The following TESC variants were observed in gnomAD, a reference collection of about 807,000 sequenced individuals.
TESC encodes calcineurin B homologous protein 3.
TESC carries 19 observed loss-of-function variants against 31.0 expected under a neutral mutation model. That is an observed-to-expected ratio of 0.61 (90% CI 0.43 to 0.90). The LOEUF (loss-of-function observed/expected upper bound fraction) is 0.90. Among genes scored for constraint, TESC ranks in the 40% least tolerant of loss-of-function variants. The pLI, the probability that TESC is intolerant of heterozygous loss-of-function variation, is 0.00. For missense variants in TESC, 248 were observed against 303.8 expected (o/e 0.82, Z 1.36); for synonymous variants, 109 against 114.8 (o/e 0.95, Z 0.32).
intron 1 of TESC, among the ~76,000 whole-genome samples, chr12:117,078,598 A>C (rs1955104212): frequency 6.6e-6 from 1 of 152,212 alleles, no homozygotes. Context: ...TAACAGTGAC[A>C]GTTGTGTATT....
At chr12:117,055,818 T>G (rs186353588) in intron 3 of TESC, among the ~76,000 whole-genome samples, 1 of 152,106 alleles carries the variant, frequency 6.6e-6, no homozygotes, top group Non-Finnish European at 1.5e-5. Flanking sequence ...CTGAAGCTCA[T>G]GAGGCTTTGA....
At chr12:117,088,320 C>A (rs1955248749) in intron 1 of TESC, among the ~76,000 whole-genome samples, 1 of 152,140 alleles carries the variant, frequency 6.6e-6, no homozygotes, top group African/African-American at 2.4e-5. Context: ...GTTTTCACAG[C>A]CTTCCAGAAC....
chr12:117,075,863 A>G (rs1955048028), intron 1 of TESC, among the ~76,000 whole-genome samples: 7 of 49,362 alleles, frequency 1.4e-4, no homozygotes, highest in African/African-American at 2.9e-4. Context: ...ATATATATAT[A>G]TATATATGTG....
At chr12:117,063,402 C>A (rs891520118) in intron 2 of TESC, among the ~76,000 whole-genome samples, 2 of 152,220 alleles carry the variant, frequency 1.3e-5, no homozygotes, top group South Asian at 2.1e-4. Flanking sequence ...GGACAAGCGT[C>A]AGGCCAACAA....
chr12:117,087,056 C>T (rs1383075611), intron 1 of TESC, among the ~76,000 whole-genome samples: 2 of 152,228 alleles, frequency 1.3e-5, no homozygotes, highest in African/African-American at 4.8e-5. Flanking sequence ...GGACTACCCT[C>T]TCATGCCTGG....
chr12:117,071,448 G>C (rs1447440756), intron 2 of TESC, among the ~76,000 whole-genome samples: 1 of 152,214 alleles, frequency 6.6e-6, no homozygotes, highest in Non-Finnish European at 1.5e-5. Flanking sequence ...GGCCTTCACG[G>C]GGCAGGAGAC....
chr12:117,089,167 C>T (rs7965268), intron 1 of TESC, among the ~76,000 whole-genome samples: 1 of 152,286 alleles, frequency 6.6e-6, no homozygotes, highest in African/African-American at 2.4e-5. Context: ...ATCCAAACTC[C>T]AAGACTGAGC....
At chr12:117,044,363 C>G (rs1465781376) in intron 6 of TESC, among the ~76,000 whole-genome samples, 10 of 152,212 alleles carry the variant, frequency 6.6e-5, no homozygotes, top group Non-Finnish European at 1.2e-4. Flanking sequence ...TCCTTCCTCC[C>G]TGTCTTCCCA....
intron 1 of TESC, among the ~76,000 whole-genome samples, chr12:117,075,836 C>CGTGTGT (rs202077142): frequency 1.8e-5 from 1 of 54,886 alleles, no homozygotes; most frequent in African/African-American, 6.9e-5. Flanking sequence ...GGCTAATTTT[C>CGTGTGT]GTGTGTGTGT....
At chr12:117,075,906 T>C (rs1955060128) in intron 1 of TESC, among the ~76,000 whole-genome samples, 1 of 88,568 alleles carries the variant, frequency 1.1e-5, no homozygotes, top group African/African-American at 7.4e-5. Context: ...TATATATATA[T>C]ATATATATGT....
intron 4 of TESC, among the ~76,000 whole-genome samples, chr12:117,047,867 A>T (rs892548489): frequency 4.6e-5 from 7 of 152,186 alleles, no homozygotes; most frequent in African/African-American, 1.7e-4. Context: ...CAGTCTCCCG[A>T]GTACCAGGGA....
At chr12:117,063,328 C>T (rs1212084791) in intron 2 of TESC, among the ~76,000 whole-genome samples, 3 of 152,142 alleles carry the variant, frequency 2.0e-5, no homozygotes, top group African/African-American at 7.2e-5. Flanking sequence ...AGCGAGGCAT[C>T]TGCTCTCACC....
intron 3 of TESC, among the ~76,000 whole-genome samples, chr12:117,056,583 G>C (rs561815114): frequency 6.6e-6 from 1 of 152,306 alleles, no homozygotes; most frequent in South Asian, 2.1e-4. Context: ...TACATAGCCA[G>C]AGACAATGAA....
chr12:117,083,279 G>A (rs151172283), intron 1 of TESC, among the ~76,000 whole-genome samples: 1,693 of 152,242 alleles, frequency 0.011, 34 homozygotes, highest in African/African-American at 0.037. Flanking sequence ...GGGTTTCACC[G>A]TTTTAGCTGT....
chr12:117,081,570 G>T (rs1306903418), intron 1 of TESC, among the ~76,000 whole-genome samples: 1 of 152,154 alleles, frequency 6.6e-6, no homozygotes, highest in Non-Finnish European at 1.5e-5. Flanking sequence ...GTATAAAGAT[G>T]AACAGATGAG....
At chr12:117,065,845 A>G (rs1954871191) in intron 2 of TESC, among the ~76,000 whole-genome samples, 1 of 152,178 alleles carries the variant, frequency 6.6e-6, no homozygotes, top group Non-Finnish European at 1.5e-5. Flanking sequence ...TCGAACCACC[A>G]CACTTCAGCT....
intron 3 of TESC, among the ~76,000 whole-genome samples, chr12:117,055,255 C>T (rs529537020): frequency 6.6e-6 from 1 of 152,208 alleles, no homozygotes; most frequent in Non-Finnish European, 1.5e-5. Context: ...GATTATCCTG[C>T]CTCAGCCTCC....
At chr12:117,062,884 G>A (rs111619567) in intron 2 of TESC, among the ~76,000 whole-genome samples, 2,437 of 152,262 alleles carry the variant, frequency 0.016, 78 homozygotes, top group African/African-American at 0.056. Flanking sequence ...CAGGGCTGAC[G>A]GCAGGTCACT....
At chr12:117,063,203 A>G (rs1008017308) in intron 2 of TESC, among the ~76,000 whole-genome samples, 6 of 152,206 alleles carry the variant, frequency 3.9e-5, no homozygotes, top group African/African-American at 1.2e-4. Context: ...TCACACAGCT[A>G]GAGTTGGCGC....
Sources: allele counts gnomAD v4.1 joint callset (sites outside exome capture counted in the v4.1 genomes callset), GRCh38; gene constraint gnomAD v4.1.1; transcripts MANE v1.5; gene names NCBI Gene and HGNC (gene_info 2026-07-23, HGNC 2026-07-21).